NFIB: variants seen among roughly 807,000 people sequenced by gnomAD.
NFIB encodes the protein nuclear factor I B, also known as nuclear factor 1 B-type.
In NFIB, 11 loss-of-function variants were observed where a neutral mutation model predicts 61.5. That is an observed-to-expected ratio of 0.18 (90% CI 0.11 to 0.30). NFIB has a LOEUF of 0.30. Ranked by LOEUF, NFIB falls within the 10% of genes least tolerant of loss-of-function variation. The pLI, the probability that NFIB is intolerant of heterozygous loss-of-function variation, is 1.00. For missense variants in NFIB, 471 were observed against 608.9 expected, an observed-to-expected ratio of 0.77 and a Z score of 2.38; for synonymous variants, 260 against 216.5, an observed-to-expected ratio of 1.20 and a Z score of -1.76.
the NFIB span, among the ~76,000 whole-genome samples, chr9:14,480,216 A>C: frequency 2.0e-5 from 3 of 152,116 alleles, no homozygotes; most frequent in Non-Finnish European, 4.4e-5. Flanking sequence ...TTTTTTGGGA[A>C]AATGAGAGTT....
chr9:14,227,564 A>G lies in NFIB; in HGVS notation c.563-47784T>C, dbSNP rs542263495. The stretch of plus-strand genomic sequence containing the variant: ...ATTTTCCCTGAACCTAAGTAATATG[A>G]ATACTGGCATGAAAATTTACAACGG... On this transcript the variant is annotated intron_variant, in intron 2 of 10. Coordinates refer to ENST00000380953, the MANE Select transcript of NFIB (RefSeq NM_001190737.2). Among the ~76,000 whole-genome samples, 16 of 152,326 alleles carry G rather than the reference A, an allele frequency of 1.1e-4. No individual in the cohort carries two copies. The South Asian group carries it at 3.3e-3, about 32-fold the overall frequency.
At chr9:14,297,750 A>G (rs1189844777) in intron 2 of NFIB, among the ~76,000 whole-genome samples, 1 of 152,258 alleles carries the variant, frequency 6.6e-6, no homozygotes. Flanking sequence ...ATTTAAAAAT[A>G]AAATGTAACA....
chr9:14,246,142 A>T (rs186595728), intron 2 of NFIB, among the ~76,000 whole-genome samples: 1 of 151,610 alleles, frequency 6.6e-6, no homozygotes, highest in African/African-American at 2.4e-5. Flanking sequence ...AAGCTCTCTA[A>T]TCAACATGTT....
the NFIB span, among the ~76,000 whole-genome samples, chr9:14,425,975 C>T: frequency 6.6e-6 from 1 of 152,108 alleles, no homozygotes; most frequent in African/African-American, 2.4e-5. Context: ...TGACAGCTAC[C>T]TTTCTTCATA....
At chr9:14,426,224 T>A in the NFIB span, among the ~76,000 whole-genome samples, 2 of 152,140 alleles carry the variant, frequency 1.3e-5, no homozygotes, top group Non-Finnish European at 2.9e-5. Context: ...AGCATGATAA[T>A]CTTACTAATC....
intron 2 of NFIB, among the ~76,000 whole-genome samples, chr9:14,239,388 G>A (rs899364022): frequency 6.6e-6 from 1 of 152,140 alleles, no homozygotes; most frequent in African/African-American, 2.4e-5. Context: ...AATGAATAAG[G>A]TTTAGAGGTA....
intron 2 of NFIB, among the ~76,000 whole-genome samples, chr9:14,232,714 G>A (rs1399470480): frequency 6.6e-6 from 1 of 152,172 alleles, no homozygotes; most frequent in Non-Finnish European, 1.5e-5. Flanking sequence ...TTAAGGAGCA[G>A]AATCCTTATA....
In NFIB at chr9:14,235,112, A is replaced by G. The variant is rs146563713; in HGVS notation, c.563-55332T>C. 2.0e-3 allele frequency among the ~76,000 whole-genome samples: 310 copies of G among 152,326 alleles called. 5 individuals carry two copies. In the East Asian group the frequency reaches 0.053, roughly 26 times the overall value. ...AATGATAACTTTACTCAAATGGGAC[A>G]TTACAGAAAATGTTATACGATTGAA... On this transcript the variant is annotated intron_variant, in intron 2 of 10. Coordinates refer to ENST00000380953, the MANE Select transcript of NFIB (RefSeq NM_001190737.2).
In NFIB at chr9:14,397,365, A is replaced by G. The variant is rs146760229; in HGVS notation, c.108+1159T>C. On this transcript the variant is annotated intron_variant, in intron 1 of 8. Coordinates refer to the NFIB transcript ENST00000380934. ...GCCATTGGACAAATTCTTCTTGAACAGCTTTATGCAGTTAACAGTTCAGTG... is the reference window on the plus strand; with the variant it reads ...GCCATTGGACAAATTCTTCTTGAACGGCTTTATGCAGTTAACAGTTCAGTG... Among the ~76,000 whole-genome samples, 5 of 152,350 alleles carry G rather than the reference A, an allele frequency of 3.3e-5. No homozygotes were observed. The East Asian group carries it at 9.6e-4, about 29-fold the overall frequency.
chr9:14,433,121 C>T, the NFIB span, among the ~76,000 whole-genome samples: 1 of 152,116 alleles, frequency 6.6e-6, no homozygotes, highest in Non-Finnish European at 1.5e-5. Context: ...AGTAAAACCT[C>T]ATTATAACAT....
At chr9:14,484,600 G>A in the NFIB span, among the ~76,000 whole-genome samples, 1,573 of 152,248 alleles carry the variant, frequency 0.01, 25 homozygotes, top group African/African-American at 0.036. Context: ...GTGAATTCAG[G>A]TAACTATAAA....
chr9:14,240,050 G>A (rs1462879135), intron 2 of NFIB, among the ~76,000 whole-genome samples: 1 of 152,086 alleles, frequency 6.6e-6, no homozygotes, highest in Non-Finnish European at 1.5e-5. Flanking sequence ...ATACCTTAAA[G>A]TCCATTACTC....
At chr9:14,220,182 C>A (rs2051467697) in intron 2 of NFIB, among the ~76,000 whole-genome samples, 1 of 152,182 alleles carries the variant, frequency 6.6e-6, no homozygotes, top group African/African-American at 2.4e-5. Context: ...GAATTCTCTT[C>A]ATCAAGGATT....
intron 2 of NFIB, among the ~76,000 whole-genome samples, chr9:14,187,015 G>GTGTGTGTATA (rs2047416129): frequency 3.7e-5 from 2 of 53,804 alleles, no homozygotes; most frequent in East Asian, 7.0e-4. Context: ...CTGTGTGTGT[G>GTGTGTGTATA]TGTGTGTGTG....
At position 14,222,142 on chromosome 9, in the gene NFIB, G is replaced by GT. The variant is rs372572091; in HGVS notation, c.563-42363dup. 3.4e-3 allele frequency among the ~76,000 whole-genome samples: 514 copies of GT among 152,296 alleles called. 3 individuals are homozygous for GT. The highest frequency in any genetic ancestry group is 0.012 in the African/African-American group (493 of 41,558). On this transcript the variant is annotated intron_variant, in intron 2 of 10. Coordinates refer to ENST00000380953, the MANE Select transcript of NFIB (RefSeq NM_001190737.2). ...GCAAAGACTTCCTCCCTTGTCAACT[G>GT]TTTCCAGTTCATCTTTCCAAAACAC... is the stretch of plus-strand genomic sequence containing the variant.
rs184775932 is a variant in NFIB at position 14,142,886 on chromosome 9, T to C, written c.925+3803A>G. On this transcript the variant is annotated intron_variant, in intron 6 of 10. Transcript: ENST00000380953. ...AAGCAAGGAGAAATATTCTGAAACA[T>C]AGGAAAGAAATATAACAGTTGTTGG... Among the ~76,000 whole-genome samples the C allele has an allele frequency of 4.7e-4, 71 of 152,214 alleles. No homozygotes were observed. In the East Asian group the frequency reaches 0.013, roughly 28 times the overall value.
chr9:14,210,799 A>T (rs1185762068), intron 2 of NFIB, among the ~76,000 whole-genome samples: 2 of 152,202 alleles, frequency 1.3e-5, no homozygotes, highest in Non-Finnish European at 2.9e-5. Context: ...TTAACTTTCA[A>T]ATGTAAACAT....
chr9:14,104,618 T>C (rs992625490), intron 10 of NFIB, among the ~76,000 whole-genome samples: 1 of 152,088 alleles, frequency 6.6e-6, no homozygotes, highest in Admixed American at 6.5e-5. Flanking sequence ...TTTCCCTCTG[T>C]GGCCCATGCT....
chr9:14,187,046 TGTGTG>T (rs2047441419), intron 2 of NFIB, among the ~76,000 whole-genome samples: 2 of 143,350 alleles, frequency 1.4e-5, no homozygotes, highest in African/African-American at 5.0e-5. Flanking sequence ...TGTGTGTGTG[TGTGTG>T]TGTGTGTGTG....
Sources: allele counts gnomAD v4.1 joint callset (sites outside exome capture counted in the v4.1 genomes callset), GRCh38; gene constraint gnomAD v4.1.1; transcripts MANE v1.5; gene names NCBI Gene and HGNC (gene_info 2026-07-23, HGNC 2026-07-21).